KAZN: variants seen among roughly 807,000 people sequenced by gnomAD.
KAZN encodes the protein kazrin.
A neutral mutation model predicts 87.4 loss-of-function variants in KAZN; 40 were observed. That is an observed-to-expected ratio of 0.46 (90% CI 0.36 to 0.60). The LOEUF is 0.60. Among genes scored for constraint, KAZN ranks in the 20% least tolerant of loss-of-function variants. The pLI, the probability that KAZN is intolerant of heterozygous loss-of-function variation, is 0.00. For synonymous variants in KAZN, 466 were observed against 458.3 expected, an observed-to-expected ratio of 1.02 and a Z score of -0.22; for missense variants, 898 against 1,073.9, an observed-to-expected ratio of 0.84 and a Z score of 2.29.
intron 2 of KAZN, among the ~76,000 whole-genome samples, chr1:14,502,248 C>T (rs953441519): frequency 2.6e-5 from 4 of 152,086 alleles, no homozygotes; most frequent in African/African-American, 9.7e-5. Flanking sequence ...TCGGGACTTT[C>T]CTCTGCTAAC....
intron 2 of KAZN, among the ~76,000 whole-genome samples, chr1:14,303,025 A>T (rs1009493888): frequency 6.6e-6 from 1 of 152,092 alleles, no homozygotes; most frequent in Non-Finnish European, 1.5e-5. Flanking sequence ...GGCTTTTCAC[A>T]TCCCATCTTG....
intron 2 of KAZN, among the ~76,000 whole-genome samples, chr1:14,425,640 T>G (rs779277814): frequency 2.6e-5 from 4 of 152,152 alleles, no homozygotes; most frequent in Admixed American, 6.5e-5. Context: ...TTCCACCAAG[T>G]GTCCGTGAAT....
chr1:14,030,082 C>T (rs1412619626), intron 1 of KAZN, among the ~76,000 whole-genome samples: 240 of 151,642 alleles, frequency 1.6e-3, no homozygotes, highest in African/African-American at 5.0e-3. Flanking sequence ...GCCATTTTCA[C>T]GATATTGATT....
intron 1 of KAZN, among the ~76,000 whole-genome samples, chr1:14,142,581 C>A (rs1419774903): frequency 6.6e-6 from 1 of 152,228 alleles, no homozygotes; most frequent in African/African-American, 2.4e-5. Flanking sequence ...CGTATCCCTG[C>A]CAAGACTCCT....
intron 2 of KAZN, among the ~76,000 whole-genome samples, chr1:14,587,631 G>A (rs1190983225): frequency 6.6e-6 from 1 of 151,738 alleles, no homozygotes; most frequent in Non-Finnish European, 1.5e-5. Flanking sequence ...GAGAAAGGGA[G>A]GAGGTGCCGT....
chr1:14,792,674 G>A (rs2744866), intron 1 of KAZN, among the ~76,000 whole-genome samples: 63,898 of 151,886 alleles, frequency 0.42, 13,910 homozygotes, highest in East Asian at 0.69. Flanking sequence ...GGAAAGCAGC[G>A]TGCATTTAAG....
At chr1:14,990,285 C>T (rs571529749) in intron 2 of KAZN, among the ~76,000 whole-genome samples, 1 of 152,140 alleles carries the variant, frequency 6.6e-6, no homozygotes, top group Non-Finnish European at 1.5e-5. Flanking sequence ...TGCAGTGGAG[C>T]GATCTCCGCT....
chr1:15,026,849 G>A (rs1671213073), intron 2 of KAZN, among the ~76,000 whole-genome samples: 1 of 152,054 alleles, frequency 6.6e-6, no homozygotes, highest in African/African-American at 2.4e-5. Context: ...AAGTATTATA[G>A]GTAATTTAGA....
intron 1 of KAZN, among the ~76,000 whole-genome samples, chr1:13,933,794 GC>G (rs1403778591): frequency 6.6e-6 from 1 of 152,210 alleles, no homozygotes; most frequent in Admixed American, 6.5e-5. Flanking sequence ...CCAATGAGGT[GC>G]CTGAGGTTCA....
At chr1:14,417,309 C>T (rs778082199) in intron 2 of KAZN, among the ~76,000 whole-genome samples, 14 of 152,292 alleles carry the variant, frequency 9.2e-5, no homozygotes, top group Non-Finnish European at 7.4e-5. Context: ...AAATCCATTG[C>T]ACCAGGCTAC....
chr1:14,371,879 C>T (rs554882573), intron 2 of KAZN, among the ~76,000 whole-genome samples: 4 of 152,274 alleles, frequency 2.6e-5, no homozygotes, highest in East Asian at 1.9e-4. Context: ...TTCACAATGG[C>T]GGTGAGCCTG....
chr1:14,058,376 G>A (rs1642661427), intron 1 of KAZN, among the ~76,000 whole-genome samples: 1 of 152,114 alleles, frequency 6.6e-6, no homozygotes, highest in South Asian at 2.1e-4. Context: ...AAGACACATG[G>A]CTGCTTCCAT....
At chr1:14,700,245 T>TA (rs1277233002) in intron 1 of KAZN, among the ~76,000 whole-genome samples, 2 of 152,104 alleles carry the variant, frequency 1.3e-5, no homozygotes, top group African/African-American at 4.8e-5. Context: ...AAATGTGCTG[T>TA]AACTGATCAC....
At chr1:14,249,732 G>C (rs1571139718) in intron 2 of KAZN, among the ~76,000 whole-genome samples, 1 of 152,146 alleles carries the variant, frequency 6.6e-6, no homozygotes, top group African/African-American at 2.4e-5. Context: ...GTGGCCATGG[G>C]AAAAGAGGTC....
chr1:14,863,382 T>C (rs1429802117), intron 1 of KAZN, among the ~76,000 whole-genome samples: 1 of 152,164 alleles, frequency 6.6e-6, no homozygotes, highest in African/African-American at 2.4e-5. Context: ...GTTTCTGCTG[T>C]GTTGGGGGAT....
At chr1:14,799,615 G>A (rs1645944467) in intron 1 of KAZN, among the ~76,000 whole-genome samples, 1 of 152,128 alleles carries the variant, frequency 6.6e-6, no homozygotes, top group Non-Finnish European at 1.5e-5. Context: ...CTTCAAAGAG[G>A]GGATGTTATT....
intron 2 of KAZN, among the ~76,000 whole-genome samples, chr1:14,990,730 G>T (rs1020681234): frequency 4.0e-5 from 6 of 151,870 alleles, no homozygotes; most frequent in Admixed American, 1.3e-4. Context: ...GGGGTCAGCT[G>T]CTTTCTGCCT....
chr1:14,122,142 T>G (rs1644765684), intron 1 of KAZN, among the ~76,000 whole-genome samples: 1 of 151,950 alleles, frequency 6.6e-6, no homozygotes, highest in African/African-American at 2.4e-5. Context: ...GAGACCCAGG[T>G]GAGAGGTGAT....
chr1:14,335,507 C>G (rs539401112), intron 2 of KAZN, among the ~76,000 whole-genome samples: 20 of 152,100 alleles, frequency 1.3e-4, no homozygotes, highest in African/African-American at 4.8e-4. Flanking sequence ...CTAGTCCCTC[C>G]TCTCTCTTAA....
Sources: allele counts gnomAD v4.1 joint callset (sites outside exome capture counted in the v4.1 genomes callset), GRCh38; gene constraint gnomAD v4.1.1; transcripts MANE v1.5; gene names NCBI Gene and HGNC (gene_info 2026-07-23, HGNC 2026-07-21).